The following NAT10 variants were observed in gnomAD, a reference collection of about 807,000 sequenced individuals.
NAT10 encodes N-acetyltransferase 10, also known as RNA cytidine acetyltransferase.
In NAT10, 109 loss-of-function variants were observed where a neutral mutation model predicts 132.2. That is an observed-to-expected ratio of 0.82 (90% CI 0.71 to 0.97). The LOEUF (loss-of-function observed/expected upper bound fraction) is 0.97, where lower values mean the gene tolerates loss of function less well. NAT10 is among the 50% of genes least tolerant of loss of function. NAT10 has a pLI of 0.00. For missense variants in NAT10, 1,184 were observed against 1,263.4 expected, an observed-to-expected ratio of 0.94 and a Z score of 0.95; for synonymous variants, 479 against 478.0, an observed-to-expected ratio of 1.00 and a Z score of -0.03.
intron 18 of NAT10, 123 bp from the exon 19 acceptor site, chr11:34,135,052 T>A: frequency 1.3e-6 from 1 of 741,030 alleles, no homozygotes; most frequent in Non-Finnish European, 2.3e-6. Context: ...TCATTGGTTC[T>A]CTTGCCCCGT....
chr11:34,135,023 T>A (rs1437714772), intron 18 of NAT10, 152 bp from the exon 19 acceptor site: 1 of 678,254 alleles, frequency 1.5e-6, no homozygotes, highest in Non-Finnish European at 2.6e-6. Context: ...TGTCTCTGCT[T>A]TGACCTCACT....
chr11:34,108,012 G>C (rs1851625361), intron 1 of NAT10, among the ~76,000 whole-genome samples, 199 bp from the exon 2 acceptor site: 1 of 152,206 alleles, frequency 6.6e-6, no homozygotes, highest in Admixed American at 6.5e-5. Context: ...GCTGAGGGAA[G>C]GTTTTCTCAC....
chr11:34,106,488 T>C (rs887411014), intron 1 of NAT10, among the ~76,000 whole-genome samples: 3 of 152,120 alleles, frequency 2.0e-5, no homozygotes, highest in Non-Finnish European at 4.4e-5. Flanking sequence ...TTAAATACCT[T>C]CTTCAAGAAG....
rs906039045 is a variant in NAT10 at position 34,113,793 on chromosome 11, C to T, written c.450C>T (p.Leu150=). 1.7e-5 allele frequency: 28 copies of T among 1,614,022 alleles called. No homozygotes were observed. The highest frequency in any genetic ancestry group is 2.3e-5 in the Non-Finnish European group (27 of 1,180,032). ...TVEGGGLVVI[L]LRTMNSLKQL... is the part of the protein sequence containing the mutation. The stretch of plus-strand genomic sequence containing the variant: ...AAGGTGGTGGGCTAGTGGTCATCCT[C>T]CTACGGACCATGAACTCACTCAAGC... The change falls in exon 5 of 29, where the codon CTC becomes CTT. Residue 150 remains leucine (L), a synonymous_variant. Coordinates refer to ENST00000257829, the MANE Select transcript of NAT10 (RefSeq NM_024662.3).
rs780762003 is a variant in NAT10 at position 34,139,405 on chromosome 11, G to A, written c.2329G>A (p.Ala777Thr). 1.9e-6 allele frequency: 3 copies of A among 1,614,156 alleles called. No homozygotes were observed. In the East Asian group the frequency reaches 6.7e-5, roughly 36 times the overall value. Residue 777 changes from alanine to threonine, a missense_variant, in exon 23 of 29, where the codon GCC becomes ACC. Transcript: ENST00000257829. ...FWKDFRRRFL[A>T]LLSYQFSTFS... is the part of the protein sequence containing the mutation. ...CACAGATTTCCGACGGCGGTTCCTA[G>A]CCTTGCTCTCCTACCAGTTCAGTAC...
At chr11:34,112,711 T>C (rs1166487862) in intron 4 of NAT10, among the ~76,000 whole-genome samples, 2 of 152,216 alleles carry the variant, frequency 1.3e-5, no homozygotes, top group Admixed American at 1.3e-4. Context: ...ACTTTACCTC[T>C]CAGAGACTAC....
chr11:34,108,424 C>T (rs1565105082), intron 2 of NAT10, 91 bp downstream of exon 2: 3 of 1,037,540 alleles, frequency 2.9e-6, no homozygotes, highest in Non-Finnish European at 4.4e-6. Flanking sequence ...GACATAATGG[C>T]ATTAAGATCT....
Position 34,132,213 on chromosome 11 carries a change from C to T in NAT10, c.1609C>T (p.His537Tyr), listed in dbSNP as rs1235691455. 6.2e-7 allele frequency: 1 copy of T among 1,613,258 alleles called. No individual in the cohort carries two copies. The highest frequency in any genetic ancestry group is 8.5e-7 in the Non-Finnish European group (1 of 1,179,230). Reference sequence around the variant, plus strand: ...GCTTATGGCCCTCTACGTGGCTTCTCACTACAAGGTAACTGCAGCTAGCCC... The same window carrying T: ...GCTTATGGCCCTCTACGTGGCTTCTTACTACAAGGTAACTGCAGCTAGCCC... Reference protein sequence around the residue: ...QRLMALYVASHYKNSPNDLQM... With the variant: ...QRLMALYVASYYKNSPNDLQM... The change falls in exon 15 of 29, where the codon CAC (histidine) becomes TAC (tyrosine). Residue 537 changes from histidine to tyrosine, a missense_variant. By Grantham distance (83) the His-to-Tyr change is moderately conservative. Coordinates refer to ENST00000257829, the MANE Select transcript of NAT10 (RefSeq NM_024662.3).
At chr11:34,119,637 T>C (rs1228059857) in intron 8 of NAT10, among the ~76,000 whole-genome samples, 1 of 152,204 alleles carries the variant, frequency 6.6e-6, no homozygotes, top group Non-Finnish European at 1.5e-5. Context: ...AAATAAGAAG[T>C]GGTGTTTCCA....
At chr11:34,115,790 C>G (rs1851773654) in intron 5 of NAT10, 33 bp from the exon 6 acceptor site, 1 of 1,610,570 alleles carries the variant, frequency 6.2e-7, no homozygotes, top group Non-Finnish European at 8.5e-7. Context: ...TGTTTGCATG[C>G]CTTTGTTAAT....
chr11:34,146,096 GA>G lies in NAT10; in HGVS notation c.2984del (p.Lys995SerfsTer2). On this transcript the variant is annotated frameshift_variant, in exon 29 of 29. Transcript: ENST00000257829. LOFTEE classifies it high-confidence loss of function. Reference protein sequence around the residue: ...IISLKSDKKRKLEAKQEPKQS... With the variant: ...IISLKSDKKRXLEAKQEPKQS... ...GATTTTTCTCTAGTGACAAGAAAAGGAAGTTAGAGGCCAAACAAGAACCCAA... is the reference window on the plus strand; with the variant it reads ...GATTTTTCTCTAGTGACAAGAAAAGGAGTTAGAGGCCAAACAAGAACCCAA... 1 of 1,603,692 alleles carries G rather than the reference GA, an allele frequency of 6.2e-7. No homozygotes were observed. Among genetic ancestry groups the G allele is most frequent in the Non-Finnish European group, 8.5e-7 (1 of 1,176,266 alleles).
chr11:34,146,314 T>C lies in NAT10; in HGVS notation c.*122T>C. 1.4e-6 allele frequency: 1 copy of C among 695,892 alleles called. No homozygotes were observed. Among genetic ancestry groups the C allele is most frequent in the Non-Finnish European group, 2.4e-6 (1 of 422,690 alleles). 43.1% of individuals were successfully genotyped at this position (695,892 alleles called of 1,614,324 possible). A position where few individuals can be genotyped will look rare whatever the true frequency, so the allele number is the denominator to read the frequency against. ...GGCACACCTGGAAGCTGGCCGCGAA[T>C]TCGGCCTCTGGGCCTGTGTGTCTGT... On this transcript the variant is annotated 3_prime_UTR_variant, in exon 29 of 29. Coordinates refer to ENST00000257829, the MANE Select transcript of NAT10 (RefSeq NM_024662.3).
In NAT10 at chr11:34,112,087, A is replaced by G; in HGVS notation, c.236A>G (p.Lys79Arg). Reference sequence around the variant, plus strand: ...AAAAGAATGCGACAGCTGCAGAAGAAAATAAAGAATGGAACACTGAACATA... The same window carrying G: ...AAAAGAATGCGACAGCTGCAGAAGAGAATAAAGAATGGAACACTGAACATA... ...RKKRMRQLQK[K>R]IKNGTLNIKQ... is the part of the protein sequence containing the mutation. The change falls in exon 4 of 29, where the codon AAA becomes AGA. Residue 79 changes from lysine (K) to arginine (R), a missense_variant. Physicochemically the swap from Lys to Arg is conservative, Grantham distance 26 (BLOSUM62 2). Coordinates refer to ENST00000257829, the MANE Select transcript of NAT10 (RefSeq NM_024662.3). 6.2e-7 allele frequency: 1 copy of G among 1,614,220 alleles called. No individual in the cohort carries two copies. The highest frequency in any genetic ancestry group is 8.5e-7 in the Non-Finnish European group (1 of 1,180,042).
chr11:34,142,280 A>T lies in NAT10; in HGVS notation c.2817A>T (p.Glu939Asp). The T allele has an allele frequency of 6.2e-7, 1 of 1,614,024 alleles. No homozygotes were observed. The change falls in exon 27 of 29, where the codon GAA becomes GAT. Residue 939 changes from glutamate to aspartate, a missense_variant. Physicochemically the swap from Glu to Asp is conservative, Grantham distance 45. Transcript: ENST00000257829. Reference protein sequence around the residue: ...TMKTLSDDLDEAAKEFQEKHK... With the variant: ...TMKTLSDDLDDAAKEFQEKHK... ...TTATGGGTCCTTAACCACAGGATGA[A>T]GCAGCAAAGGAATTTCAGGAGAAAC...
intron 6 of NAT10, 84 bp from the exon 7 acceptor site, chr11:34,118,096 T>TA (rs1411285517): frequency 6.4e-5 from 73 of 1,136,354 alleles, no homozygotes; most frequent in Admixed American, 3.1e-4. Context: ...TTGGGGCCAG[T>TA]TAATTTTTTT....
intron 3 of NAT10, among the ~76,000 whole-genome samples, chr11:34,110,914 T>A (rs1851682944): frequency 6.6e-6 from 1 of 152,204 alleles, no homozygotes; most frequent in Non-Finnish European, 1.5e-5. Flanking sequence ...TCTAGGTGTA[T>A]CTTACAGGGA....
intron 1 of NAT10, 140 bp from the exon 2 acceptor site, chr11:34,108,070 TC>T (rs1851626645): frequency 3.5e-6 from 2 of 567,330 alleles, no homozygotes; most frequent in South Asian, 2.4e-5. Flanking sequence ...GCTGATGTCT[TC>T]CTGTGGAGCT....
intron 11 of NAT10, among the ~76,000 whole-genome samples, chr11:34,127,100 ATC>A (rs148503929): frequency 0.014 from 2,203 of 152,320 alleles, 66 homozygotes; most frequent in African/African-American, 0.049. Flanking sequence ...GCCACCATCT[ATC>A]TCTCAGCACT....
intron 25 of NAT10, among the ~76,000 whole-genome samples, 200 bp downstream of exon 25, chr11:34,141,408 T>TCACACACACACACACACA (rs59489457): frequency 1.7e-3 from 226 of 132,926 alleles, no homozygotes; most frequent in African/African-American, 6.1e-3. Context: ...TCATCACACA[T>TCACACACACACACACACA]CACACACACA....
Sources: allele counts gnomAD v4.1 joint callset (sites outside exome capture counted in the v4.1 genomes callset), GRCh38; gene constraint gnomAD v4.1.1; transcripts MANE v1.5; gene names NCBI Gene and HGNC (gene_info 2026-07-23, HGNC 2026-07-21).